Variants in LETM2 observed in about 807,000 individuals in gnomAD.
The protein encoded by LETM2 is leucine zipper and EF-hand containing transmembrane protein 2.
A neutral mutation model predicts 59.6 loss-of-function variants in LETM2; 58 were observed. The ratio of observed to expected loss-of-function variants is 0.97; its 90% confidence interval spans 0.79 to 1.21. The LOEUF is 1.21. LETM2 is among the 50% of genes most tolerant of loss of function. The pLI, the probability that LETM2 is intolerant of heterozygous loss-of-function variation, is 0.00. For synonymous variants in LETM2, 199 were observed against 214.1 expected (o/e 0.93, Z 0.62); for missense variants, 572 against 575.7 (o/e 0.99, Z 0.07).
Position 38,392,845 on chromosome 8 carries a change from A to C in LETM2, c.351A>C (p.Glu117Asp), listed in dbSNP as rs767558652. ...AAGAAACTGGCATGGAGATTAAAGA[A>C]GGCAAACAATCTTATAGACAAAAAA... ...ATKETGMEIK[E>D]GKQSYRQKIM... Residue 117 changes from glutamate (E) to aspartate (D), a missense_variant, in exon 3 of 11, where the codon GAA (glutamate) becomes GAC (aspartate). Transcript: ENST00000379957. 6.2e-7 allele frequency: 1 copy of C among 1,614,192 alleles called. No individual in the cohort carries two copies. Among genetic ancestry groups the C allele is most frequent in the Non-Finnish European group, 8.5e-7 (1 of 1,180,048 alleles).
chr8:38,389,513 C>A (rs1812042865), intron 2 of LETM2, among the ~76,000 whole-genome samples: 1 of 152,128 alleles, frequency 6.6e-6, no homozygotes. Flanking sequence ...CCACCGTGCC[C>A]GGCCACCATT....
At chr8:38,391,212 C>CAAAAAAAAAAAAAAAAAAAAAAAA (rs1381418029) in intron 2 of LETM2, among the ~76,000 whole-genome samples, 1 of 120,118 alleles carries the variant, frequency 8.3e-6, no homozygotes, top group African/African-American at 3.1e-5. Context: ...AAAAAAAAAC[C>CAAAAAAAAAAAAAAAAAAAAAAAA]AAAAAACTGA....
At chr8:38,407,955 C>T in intron 10 of LETM2, 1 of 460,596 alleles carries the variant, frequency 2.2e-6, no homozygotes, top group Admixed American at 3.6e-5. Flanking sequence ...GGAAGTGGCT[C>T]CTGTGGACCA....
rs773388994 is a variant in LETM2, at chr8:38,392,840, A to G, written c.346A>G (p.Lys116Glu). Reference protein sequence around the residue: ...QATKETGMEIKEGKQSYRQKI... With the variant: ...QATKETGMEIEEGKQSYRQKI... The stretch of plus-strand genomic sequence containing the variant: ...CACAAAAGAAACTGGCATGGAGATT[A>G]AAGAAGGCAAACAATCTTATAGACA... The change falls in exon 3 of 11, where the codon AAA becomes GAA. Residue 116 changes from lysine to glutamate, a missense_variant. By Grantham distance (56) the Lys-to-Glu change is moderately conservative (BLOSUM62 1). Coordinates refer to ENST00000379957, the MANE Select transcript of LETM2 (RefSeq NM_001286819.2). 1 of 1,614,180 alleles carries G rather than the reference A, an allele frequency of 6.2e-7. No homozygotes were observed. The highest frequency in any genetic ancestry group is 1.3e-5 in the African/African-American group (1 of 75,060).
At chr8:38,394,371 T>C (rs1321428883) in intron 4 of LETM2, 130 bp downstream of exon 4, 4 of 500,824 alleles carry the variant, frequency 8.0e-6, no homozygotes, top group African/African-American at 7.7e-5. Context: ...GTAATTAATA[T>C]CTTGCATTAG....
intron 9 of LETM2, 100 bp downstream of exon 9, chr8:38,407,138 A>C: frequency 1.3e-6 from 1 of 773,302 alleles, no homozygotes; most frequent in Non-Finnish European, 2.2e-6. Flanking sequence ...ATTGAAATTC[A>C]ATACAATAAT....
chr8:38,385,568 A>AT (rs547800850), upstream of LETM2, among the ~76,000 whole-genome samples: 1,121 of 150,914 alleles, frequency 7.4e-3, 9 homozygotes, highest in Middle Eastern at 0.01. Context: ...TAATTTTTGT[A>AT]TTTTTTTTTA....
At chr8:38,394,914 C>T (rs1431711378) in intron 4 of LETM2, among the ~76,000 whole-genome samples, 1 of 151,960 alleles carries the variant, frequency 6.6e-6, no homozygotes, top group Admixed American at 6.6e-5. Flanking sequence ...TCCCCCAACC[C>T]ATGGCAGCCA....
In LETM2 at chr8:38,407,432, C is replaced by T; in HGVS notation, c.1382C>T (p.Pro461Leu). ...PITPSTPISL[P>L]KGPITSSEEP... ...ACACCATCAACACCTATTTCATTAC[C>T]TAAAGGACCCATCACTTCTTCTGAA... The change falls in exon 10 of 11, where the codon CCT (proline) becomes CTT (leucine). Residue 461 changes from proline (P) to leucine (L), a missense_variant. By Grantham distance (98) the Pro-to-Leu change is moderately conservative. Coordinates refer to ENST00000379957, the MANE Select transcript of LETM2 (RefSeq NM_001286819.2). The T allele has an allele frequency of 6.2e-7, 1 of 1,611,394 alleles. No homozygotes were observed.
chr8:38,400,668 C>T (rs1813126044), intron 5 of LETM2, 185 bp from the exon 6 acceptor site: 2 of 675,852 alleles, frequency 3.0e-6, no homozygotes, highest in African/African-American at 1.8e-5. Flanking sequence ...AACTTCCAAA[C>T]TCCTGATTTT....
chr8:38,394,845 CA>C (rs34403974), intron 4 of LETM2, among the ~76,000 whole-genome samples: 34,163 of 84,638 alleles, frequency 0.4, 4,289 homozygotes, highest in East Asian at 0.54. Flanking sequence ...GACCCTGTCT[CA>C]AAAAAAAAAA....
chr8:38,401,548 T>G lies in LETM2; in HGVS notation c.984+495T>G, dbSNP rs115816796. The G allele has an allele frequency of 9.1e-3, 1,523 of 167,818 alleles. 26 individuals are homozygous for G. Among genetic ancestry groups the G allele is most frequent in the African/African-American group, 0.035 (1,445 of 41,790 alleles). 10.4% of individuals were successfully genotyped at this position (167,818 alleles called of 1,614,324 possible). A position where few individuals can be genotyped will look rare whatever the true frequency, so the allele number is the denominator to read the frequency against. On this transcript the variant is annotated intron_variant, in intron 6 of 10. Transcript: ENST00000379957. ...CCTTGATTACTCATTTGAGGAGTTG[T>G]CATCCCCTTACCCATTTCTTGAGAA...
chr8:38,407,208 C>A, intron 9 of LETM2, 154 bp from the exon 10 acceptor site: 1 of 735,430 alleles, frequency 1.4e-6, no homozygotes, highest in Non-Finnish European at 2.3e-6. Flanking sequence ...TAATATTTGG[C>A]TACACGTAAT....
At chr8:38,406,000 TGAA>T (rs1290766995) in intron 8 of LETM2, among the ~76,000 whole-genome samples, 24 of 152,328 alleles carry the variant, frequency 1.6e-4, no homozygotes, top group African/African-American at 4.6e-4. Context: ...CTAGGTTCTG[TGAA>T]GAATAGAGAC....
chr8:38,397,394 AG>A (rs1383912258), intron 4 of LETM2, among the ~76,000 whole-genome samples: 3 of 152,228 alleles, frequency 2.0e-5, no homozygotes, highest in Non-Finnish European at 4.4e-5. Context: ...TTCACAGAAA[AG>A]GTAACTTTGG....
chr8:38,393,914 G>A (rs1222775742), intron 3 of LETM2, 184 bp from the exon 4 acceptor site: 2 of 452,378 alleles, frequency 4.4e-6, no homozygotes, highest in Non-Finnish European at 7.6e-6. Flanking sequence ...CAGCTCCTTG[G>A]GAGGCTGAGG....
chr8:38,390,624 A>G (rs796317768), intron 2 of LETM2, among the ~76,000 whole-genome samples: 19,845 of 118,150 alleles, frequency 0.17, 1,560 homozygotes, highest in East Asian at 0.23. Context: ...TCTGTCTCAG[A>G]AAAAAAAAAA....
chr8:38,390,493 G>A (rs999866501), intron 2 of LETM2, among the ~76,000 whole-genome samples: 1 of 150,832 alleles, frequency 6.6e-6, no homozygotes, highest in Non-Finnish European at 1.5e-5. Flanking sequence ...GTGGTGGCAG[G>A]CACCTGTATT....
chr8:38,404,190 G>C, intron 7 of LETM2: 1 of 523,016 alleles, frequency 1.9e-6, no homozygotes, highest in Non-Finnish European at 3.4e-6. Context: ...TTCCACCATA[G>C]TGAGGGAGGC....
Sources: allele counts gnomAD v4.1 joint callset (sites outside exome capture counted in the v4.1 genomes callset), GRCh38; gene constraint gnomAD v4.1.1; transcripts MANE v1.5; gene names NCBI Gene and HGNC (gene_info 2026-07-23, HGNC 2026-07-21).